The following AR variants were observed in gnomAD, a reference collection of about 807,000 sequenced individuals.
AR encodes the protein androgen receptor, also known as dihydrotestosterone receptor.
A neutral mutation model predicts 53.9 loss-of-function variants in AR; 8 were observed. The observed-to-expected ratio is 0.15, with a 90% CI of 0.09 to 0.27. The LOEUF (loss-of-function observed/expected upper bound fraction) is 0.27. AR is among the 10% of genes least tolerant of loss of function. The probability of loss-of-function intolerance (pLI) is 1.00; values close to 1 mark genes in which losing one functional copy is unlikely to be tolerated. For synonymous variants in AR, 359 were observed against 316.4 expected, an observed-to-expected ratio of 1.13 and a Z score of -1.43; for missense variants, 639 against 742.5, an observed-to-expected ratio of 0.86 and a Z score of 1.62.
chrX:67,718,397 A>G (rs943856747), intron 5 of AR, among the ~76,000 whole-genome samples: 2 of 111,295 alleles, frequency 1.8e-5, no homozygotes, highest in African/African-American at 6.5e-5. Flanking sequence ...CAGATTTTGG[A>G]ATTACATTTT....
At chrX:67,675,252 G>A (rs2075892802) in intron 2 of AR, among the ~76,000 whole-genome samples, 1 of 108,470 alleles carries the variant, frequency 9.2e-6, no homozygotes, top group African/African-American at 3.4e-5. Flanking sequence ...GAGCTGCATT[G>A]CCTGGGATTG....
intron 3 of AR, among the ~76,000 whole-genome samples, chrX:67,694,414 T>C (rs772546203): frequency 1.5e-4 from 16 of 109,521 alleles, no homozygotes; most frequent in Non-Finnish European, 1.9e-4. Flanking sequence ...TATGTATATA[T>C]ATAGTATATT....
intron 1 of AR, among the ~76,000 whole-genome samples, chrX:67,579,765 C>A (rs914448019): frequency 9.0e-6 from 1 of 111,715 alleles, no homozygotes; most frequent in African/African-American, 3.2e-5. Context: ...TGGCTCTCTT[C>A]GTTTCTTCCT....
intron 3 of AR, among the ~76,000 whole-genome samples, chrX:67,703,558 G>C (rs1410686595): frequency 9.0e-6 from 1 of 111,629 alleles, no homozygotes; most frequent in Non-Finnish European, 1.9e-5. Context: ...TCACTTCTTT[G>C]ATACTATTGA....
At chrX:67,714,221 A>G in intron 4 of AR, among the ~76,000 whole-genome samples, 1 of 111,837 alleles carries the variant, frequency 8.9e-6, no homozygotes. Flanking sequence ...CCTTGAGCAA[A>G]TCACATGTCT....
chrX:67,708,315 A>G (rs760781880), intron 3 of AR, among the ~76,000 whole-genome samples: 4 of 111,392 alleles, frequency 3.6e-5, no homozygotes, highest in Non-Finnish European at 7.5e-5. Flanking sequence ...ACATAGTCCC[A>G]TATTTCTTGG....
chrX:67,628,919 G>A (rs1268322488), intron 1 of AR, among the ~76,000 whole-genome samples: 1 of 111,361 alleles, frequency 9.0e-6, no homozygotes, highest in African/African-American at 3.3e-5. Flanking sequence ...CTTTGGTTCT[G>A]TTTATATGCT....
chrX:67,694,998 A>T, intron 3 of AR: 2 of 907,499 alleles, frequency 2.2e-6, no homozygotes, highest in Non-Finnish European at 2.7e-6. Context: ...GTTTCCTGTA[A>T]TGTGGCTTGG....
intron 3 of AR, among the ~76,000 whole-genome samples, chrX:67,691,636 C>G (rs1407244801): frequency 8.9e-6 from 1 of 111,921 alleles, no homozygotes; most frequent in East Asian, 2.8e-4. Flanking sequence ...GACAAAAACT[C>G]TATCCTATAG....
At chrX:67,569,327 GAC>G (rs1921710607) in intron 1 of AR, among the ~76,000 whole-genome samples, 1 of 111,136 alleles carries the variant, frequency 9.0e-6, no homozygotes, top group Non-Finnish European at 1.9e-5. Flanking sequence ...GACCCCTAGA[GAC>G]AGTAAGCAGC....
In AR at chrX:67,711,523, A is replaced by G; in HGVS notation, c.2007A>G (p.Glu669=). 8.3e-7 allele frequency: 1 copy of G among 1,211,473 alleles called. No individual in the cohort carries two copies. Among genetic ancestry groups the G allele is most frequent in the South Asian group, 1.8e-5 (1 of 56,867 alleles). ...KLTVSHIEGY[E]CQPIFLNVLE... ...CAGTGTCACACATTGAAGGCTATGA[A>G]TGTCAGCCCATCTTTCTGAATGTCC... The change falls in exon 4 of 8, where the codon GAA becomes GAG. Residue 669 remains glutamate (E), a synonymous_variant. Transcript: ENST00000374690.
At chrX:67,693,651 A>G (rs2076006026) in intron 3 of AR, among the ~76,000 whole-genome samples, 1 of 111,897 alleles carries the variant, frequency 8.9e-6, no homozygotes, top group South Asian at 3.8e-4. Context: ...AACTAAGGGA[A>G]AAACACGCAG....
intron 2 of AR, among the ~76,000 whole-genome samples, chrX:67,650,824 A>G (rs1397309377): frequency 1.8e-5 from 2 of 111,745 alleles, no homozygotes; most frequent in Non-Finnish European, 3.8e-5. Context: ...CTGTGTTGTG[A>G]CTACTGAGGC....
intron 2 of AR, among the ~76,000 whole-genome samples, chrX:67,678,835 A>G (rs2075915935): frequency 9.0e-6 from 1 of 111,545 alleles, no homozygotes; most frequent in Non-Finnish European, 1.9e-5. Context: ...AGTCAAACTC[A>G]TAGAAGCAGA....
At chrX:67,611,489 G>T (rs1459401131) in intron 1 of AR, among the ~76,000 whole-genome samples, 1 of 111,712 alleles carries the variant, frequency 9.0e-6, no homozygotes, top group East Asian at 2.8e-4. Flanking sequence ...ATTTATATGT[G>T]TGACAAATAC....
rs1007218771 is a variant in AR, at chrX:67,593,345, C to A, written c.1616+46583C>A. Among the ~76,000 whole-genome samples, 12 of 107,970 alleles carry A rather than the reference C, an allele frequency of 1.1e-4. No individual in the cohort carries two copies. In the South Asian group the frequency reaches 2.4e-3, roughly 22 times the overall value. 93.8% of individuals were successfully genotyped at this position (107,970 alleles called of 115,157 possible). A position where few individuals can be genotyped will look rare whatever the true frequency, so the allele number is the denominator to read the frequency against. Reference sequence around the variant, plus strand: ...TGTCAGTAATTCAGTAATAAGTTTTCTTTTCTTTTTTTTTTTTTCTTTTTT... The same window carrying A: ...TGTCAGTAATTCAGTAATAAGTTTTATTTTCTTTTTTTTTTTTTCTTTTTT... On this transcript the variant is annotated intron_variant, in intron 1 of 7. Transcript: ENST00000374690.
intron 1 of AR, among the ~76,000 whole-genome samples, chrX:67,629,909 C>G (rs1315265767): frequency 4.5e-5 from 5 of 111,333 alleles, no homozygotes; most frequent in African/African-American, 1.6e-4. Flanking sequence ...AGTAGTCATT[C>G]AGGAGCAGGT....
chrX:67,647,500 TC>T (rs1926112894), intron 2 of AR, among the ~76,000 whole-genome samples: 1 of 111,777 alleles, frequency 8.9e-6, no homozygotes, highest in African/African-American at 3.2e-5. Context: ...AGTGTCCCCT[TC>T]ACTCCCTGAC....
At chrX:67,698,312 G>A (rs2076029232) in intron 3 of AR, among the ~76,000 whole-genome samples, 2 of 112,363 alleles carry the variant, frequency 1.8e-5, no homozygotes, top group South Asian at 3.7e-4. Context: ...AAAGATGGCT[G>A]GCATGATTTA....
Sources: allele counts gnomAD v4.1 joint callset (sites outside exome capture counted in the v4.1 genomes callset), GRCh38; gene constraint gnomAD v4.1.1; transcripts MANE v1.5; gene names NCBI Gene and HGNC (gene_info 2026-07-23, HGNC 2026-07-21).